Variants in DPP6 observed in about 807,000 individuals in gnomAD.
DPP6 encodes A-type potassium channel modulatory protein DPP6.
A neutral mutation model predicts 122.6 loss-of-function variants in DPP6; 69 were observed. The observed-to-expected ratio is 0.56, with a 90% CI of 0.46 to 0.69. The LOEUF (loss-of-function observed/expected upper bound fraction) is 0.69. Ranked by LOEUF, DPP6 falls within the 30% of genes least tolerant of loss-of-function variation. The pLI is 0.00. For synonymous variants in DPP6, 418 were observed against 433.1 expected, an observed-to-expected ratio of 0.97 and a Z score of 0.43; for missense variants, 928 against 1,116.9, an observed-to-expected ratio of 0.83 and a Z score of 2.41.
the DPP6 span, among the ~76,000 whole-genome samples, chr7:153,876,109 A>C: frequency 6.6e-6 from 1 of 152,088 alleles, no homozygotes; most frequent in Non-Finnish European, 1.5e-5. Flanking sequence ...TTATAATCTT[A>C]GACTGGTATG....
At chr7:154,305,256 A>C (rs1422538375) in intron 1 of DPP6, 1 of 1,272,368 alleles carries the variant, frequency 7.9e-7, no homozygotes, top group Non-Finnish European at 9.9e-7. Flanking sequence ...TAATTGGAGA[A>C]GCCCCACTAA....
intron 1 of DPP6, among the ~76,000 whole-genome samples, chr7:154,416,953 G>A (rs749396274): frequency 2.2e-4 from 34 of 152,098 alleles, no homozygotes; most frequent in Non-Finnish European, 3.8e-4. Flanking sequence ...CATAGGCTCC[G>A]TGAAATCATG....
the DPP6 span, among the ~76,000 whole-genome samples, chr7:153,753,827 CT>C: frequency 6.6e-6 from 1 of 152,082 alleles, no homozygotes; most frequent in East Asian, 1.9e-4. Flanking sequence ...GTAATATCTC[CT>C]GTTTACCCAT....
At chr7:154,259,819 A>G (rs1802880961) in intron 1 of DPP6, among the ~76,000 whole-genome samples, 1 of 152,210 alleles carries the variant, frequency 6.6e-6, no homozygotes, top group South Asian at 2.1e-4. Context: ...CGCGTTCACA[A>G]CTGTGGATTC....
chr7:154,419,916 C>T lies in DPP6; in HGVS notation c.244-26298C>T, dbSNP rs76907151. Reference sequence around the variant, plus strand: ...CCATGCCCATCTGCAGCACCATTCACGGCAGCCGAGGTGTGGAAACAATGT... The same window carrying T: ...CCATGCCCATCTGCAGCACCATTCATGGCAGCCGAGGTGTGGAAACAATGT... On this transcript the variant is annotated intron_variant, in intron 1 of 25. Coordinates refer to ENST00000377770, the MANE Select transcript of DPP6 (RefSeq NM_130797.4). Among the ~76,000 whole-genome samples the T allele has an allele frequency of 8.5e-5, 13 of 152,258 alleles. No homozygotes were observed. The East Asian group carries it at 1.5e-3, about 18-fold the overall frequency.
intron 1 of DPP6, among the ~76,000 whole-genome samples, chr7:153,931,257 CT>C (rs1306991794): frequency 6.6e-6 from 1 of 152,152 alleles, no homozygotes; most frequent in Non-Finnish European, 1.5e-5. Flanking sequence ...ATGTTACCCA[CT>C]TTCTGTAGGG....
At chr7:154,148,504 C>T (rs1488611450) in intron 1 of DPP6, among the ~76,000 whole-genome samples, 32 of 148,218 alleles carry the variant, frequency 2.2e-4, no homozygotes, top group African/African-American at 7.3e-4. Context: ...GAAAGTGGAG[C>T]GATGATGTGA....
chr7:154,213,770 T>C lies in DPP6; in HGVS notation c.243+160707T>C, dbSNP rs1799857308. 2.0e-5 allele frequency among the ~76,000 whole-genome samples: 3 copies of C among 151,982 alleles called. No individual in the cohort carries two copies. In the South Asian group the frequency reaches 6.2e-4, roughly 32 times the overall value. On this transcript the variant is annotated intron_variant, in intron 1 of 25. Coordinates refer to ENST00000377770, the MANE Select transcript of DPP6 (RefSeq NM_130797.4). The stretch of plus-strand genomic sequence containing the variant: ...GAATTAATTGAAATCATAGGAGCAG[T>C]CTTAGCTGTGCCCGTCATGCGGTCC...
At chr7:154,851,460 G>T (rs780365822) in intron 16 of DPP6, among the ~76,000 whole-genome samples, 4 of 152,188 alleles carry the variant, frequency 2.6e-5, no homozygotes, top group African/African-American at 4.8e-5. Flanking sequence ...AATACTTATA[G>T]GTTCTTTATT....
At chr7:154,459,195 T>C (rs1821056702) in intron 2 of DPP6, among the ~76,000 whole-genome samples, 1 of 148,158 alleles carries the variant, frequency 6.7e-6, no homozygotes, top group Non-Finnish European at 1.5e-5. Context: ...ATGTGACAGA[T>C]AATGATAATT....
intron 3 of DPP6, among the ~76,000 whole-genome samples, chr7:154,527,605 A>G (rs930435837): frequency 1.4e-4 from 22 of 152,184 alleles, no homozygotes; most frequent in South Asian, 4.1e-4. Context: ...ATGATAGGAG[A>G]AAAATTAAAT....
chr7:154,062,918 A>T (rs1382365183), intron 1 of DPP6, among the ~76,000 whole-genome samples: 2 of 132,438 alleles, frequency 1.5e-5, no homozygotes, highest in Admixed American at 7.8e-5. Flanking sequence ...CACCTGGAGG[A>T]CTGTGGGTGT....
chr7:153,879,087 G>T, the DPP6 span, among the ~76,000 whole-genome samples: 1 of 152,180 alleles, frequency 6.6e-6, no homozygotes, highest in African/African-American at 2.4e-5. Context: ...AGCAGTGAAC[G>T]CCAGAGAAGG....
chr7:153,911,768 T>A (rs1800101665), intron 1 of DPP6, among the ~76,000 whole-genome samples: 2 of 152,240 alleles, frequency 1.3e-5, no homozygotes, highest in Non-Finnish European at 2.9e-5. Flanking sequence ...TATAGTGTTA[T>A]ATTACTATCA....
In DPP6 at chr7:154,313,685, G is replaced by GTATATATATATA. The variant is rs1170662489; in HGVS notation, c.244-132510_244-132499dup. ...AAGCAACAAGATATTTTAAGATATG[G>GTATATATATATA]TATATATATATATATATATATATAT... On this transcript the variant is annotated intron_variant, in intron 1 of 25. Coordinates refer to ENST00000377770, the MANE Select transcript of DPP6 (RefSeq NM_130797.4). Among the ~76,000 whole-genome samples the GTATATATATATA allele has an allele frequency of 5.0e-3, 102 of 20,390 alleles. 1 individual carries two copies. Among genetic ancestry groups the GTATATATATATA allele is most frequent in the African/African-American group, 6.4e-3 (50 of 7,826 alleles). The allele number at this position is 20,390 out of a possible 152,430, so 13.4% of individuals were successfully genotyped here.
At chr7:153,975,490 G>A (rs1796255103) in intron 1 of DPP6, among the ~76,000 whole-genome samples, 2 of 151,436 alleles carry the variant, frequency 1.3e-5, no homozygotes. Flanking sequence ...TCCTTGTTAT[G>A]GGTCTACAGG....
intron 2 of DPP6, among the ~76,000 whole-genome samples, chr7:154,463,622 G>GTAC (rs2151322920): frequency 6.6e-6 from 1 of 152,122 alleles, no homozygotes; most frequent in East Asian, 1.9e-4. Context: ...CCCTGAGCAA[G>GTAC]TACTGCCTGA....
chr7:154,497,833 G>A (rs1350280426), intron 3 of DPP6, among the ~76,000 whole-genome samples: 1 of 152,114 alleles, frequency 6.6e-6, no homozygotes, highest in Non-Finnish European at 1.5e-5. Flanking sequence ...GATCAGGCAT[G>A]CTTTTTTTCT....
At chr7:154,699,613 C>T (rs1840401928) in intron 7 of DPP6, among the ~76,000 whole-genome samples, 1 of 152,214 alleles carries the variant, frequency 6.6e-6, no homozygotes, top group African/African-American at 2.4e-5. Flanking sequence ...ACTTGCCGCC[C>T]CCAGACAGCC....
Sources: gnomAD v4.1 joint callset for allele counts (sites outside exome capture counted in the v4.1 genomes callset) on GRCh38, gnomAD v4.1.1 for gene constraint, MANE v1.5 for transcripts, NCBI Gene and HGNC (gene_info 2026-07-23, HGNC 2026-07-21) for gene names.